The following TOX variants were observed in gnomAD, a reference collection of about 807,000 sequenced individuals.
The protein encoded by TOX is thymocyte selection-associated high mobility group box protein TOX.
A neutral mutation model predicts 53.7 loss-of-function variants in TOX; 11 were observed. The observed-to-expected ratio is 0.20, with a 90% CI of 0.13 to 0.34. TOX has a LOEUF of 0.34. Among genes scored for constraint, TOX ranks in the 10% least tolerant of loss-of-function variants. The probability of loss-of-function intolerance (pLI) is 1.00; values close to 1 mark genes in which losing one functional copy is unlikely to be tolerated. For missense variants in TOX, 570 were observed against 664.6 expected (o/e 0.86, Z 1.56); for synonymous variants, 225 against 245.3 (o/e 0.92, Z 0.77).
intron 1 of TOX, among the ~76,000 whole-genome samples, chr8:59,029,054 A>ACTAAAGTACTTTCC (rs1814300406): frequency 6.6e-6 from 1 of 152,146 alleles, no homozygotes; most frequent in Non-Finnish European, 1.5e-5. Flanking sequence ...ATACTTTACA[A>ACTAAAGTACTTTCC]CTAAAGTACT....
intron 7 of TOX, chr8:58,814,392 T>A (rs1168610318): frequency 6.6e-6 from 1 of 152,148 alleles, no homozygotes; most frequent in Non-Finnish European, 1.5e-5. Context: ...TTATTTATTT[T>A]TTTAAAAAAT....
intron 3 of TOX, among the ~76,000 whole-genome samples, chr8:58,872,280 G>A (rs1811211526): frequency 6.6e-6 from 1 of 151,964 alleles, no homozygotes; most frequent in African/African-American, 2.4e-5. Context: ...AGCACATTCT[G>A]ATTAAAGTAA....
intron 1 of TOX, among the ~76,000 whole-genome samples, chr8:59,108,940 A>T (rs1291961417): frequency 6.6e-6 from 1 of 152,198 alleles, no homozygotes. Flanking sequence ...TGGAAATCCC[A>T]CGTGAATATG....
At chr8:58,927,441 G>A (rs1451700267) in intron 3 of TOX, among the ~76,000 whole-genome samples, 1 of 152,136 alleles carries the variant, frequency 6.6e-6, no homozygotes, top group Admixed American at 6.5e-5. Flanking sequence ...CTGCACCCCA[G>A]CCTGCCTAGT....
chr8:59,003,909 G>A (rs543209296), intron 1 of TOX, among the ~76,000 whole-genome samples: 3 of 152,266 alleles, frequency 2.0e-5, no homozygotes, highest in Admixed American at 6.5e-5. Flanking sequence ...ATGATCAACA[G>A]TATGAAGTAT....
intron 1 of TOX, among the ~76,000 whole-genome samples, chr8:59,010,308 G>A (rs1813879514): frequency 6.6e-6 from 1 of 152,048 alleles, no homozygotes; most frequent in Non-Finnish European, 1.5e-5. Context: ...GTTCATATTA[G>A]CAATTATTAT....
chr8:58,894,885 G>T (rs1811615767), intron 3 of TOX, among the ~76,000 whole-genome samples: 1 of 151,052 alleles, frequency 6.6e-6, no homozygotes. Flanking sequence ...GACAAAGTGA[G>T]ACTCTGTCTC....
chr8:58,925,559 TAAC>T (rs1440781003), intron 3 of TOX, among the ~76,000 whole-genome samples: 1 of 152,174 alleles, frequency 6.6e-6, no homozygotes, highest in Non-Finnish European at 1.5e-5. Context: ...AAGTATACGA[TAAC>T]AACCTTTCTC....
intron 3 of TOX, among the ~76,000 whole-genome samples, chr8:58,857,901 T>C (rs1868345): frequency 0.18 from 27,154 of 152,058 alleles, 2,736 homozygotes; most frequent in South Asian, 0.23. Flanking sequence ...TCCTGAGTAG[T>C]TGGGATTACA....
At chr8:58,901,326 C>G (rs1202071567) in intron 3 of TOX, among the ~76,000 whole-genome samples, 2 of 152,164 alleles carry the variant, frequency 1.3e-5, no homozygotes, top group East Asian at 3.8e-4. Flanking sequence ...TTCATTTTAT[C>G]AACCAGCCAT....
At chr8:59,037,477 A>G (rs1283363835) in intron 1 of TOX, among the ~76,000 whole-genome samples, 5 of 152,166 alleles carry the variant, frequency 3.3e-5, no homozygotes, top group Middle Eastern at 3.2e-3. Flanking sequence ...TAAAAACAAA[A>G]TAAAACTGCT....
intron 2 of TOX, among the ~76,000 whole-genome samples, chr8:58,951,267 A>C (rs2129177578): frequency 6.6e-6 from 1 of 152,264 alleles, no homozygotes; most frequent in South Asian, 2.1e-4. Context: ...GTAAGGATCA[A>C]ATGAAAAAAT....
chr8:59,083,398 A>G (rs1001449211), intron 1 of TOX, among the ~76,000 whole-genome samples: 1 of 152,216 alleles, frequency 6.6e-6, no homozygotes, highest in Admixed American at 6.5e-5. Context: ...CAATCAAATA[A>G]TATTTTAAGA....
intron 2 of TOX, among the ~76,000 whole-genome samples, chr8:58,954,326 G>A (rs975362370): frequency 6.6e-6 from 1 of 152,160 alleles, no homozygotes; most frequent in East Asian, 1.9e-4. Context: ...GAATTGAATC[G>A]TTGCAATGGA....
At position 58,815,812 on chromosome 8, in the gene TOX, C is replaced by T. The variant is rs183618264; in HGVS notation, c.1006-88G>A. 2.2e-5 allele frequency: 31 copies of T among 1,433,910 alleles called. No individual in the cohort carries two copies. In the East Asian group the frequency reaches 6.5e-4, roughly 30 times the overall value. The allele number at this position is 1,433,910 out of a possible 1,614,324, so 88.8% of individuals were successfully genotyped here. ...ACGCTTTGTGAGTTTATTAAAGCAC[C>T]TTCCCTGGAATCCATACCCATGACT... On this transcript the variant is annotated intron_variant, in intron 6 of 8. Coordinates refer to ENST00000361421, the MANE Select transcript of TOX (RefSeq NM_014729.3).
chr8:58,952,106 T>C (rs930264924), intron 2 of TOX, among the ~76,000 whole-genome samples: 11 of 152,154 alleles, frequency 7.2e-5, no homozygotes, highest in African/African-American at 2.4e-4. Context: ...TTAAAGGTGT[T>C]TGAAGTGGCA....
Position 58,826,912 on chromosome 8 carries a change from C to G in TOX, c.925-10G>C, listed in dbSNP as rs762860183. On this transcript the variant is annotated splice_polypyrimidine_tract_variant and intron_variant, in intron 5 of 8. Coordinates refer to ENST00000361421, the MANE Select transcript of TOX (RefSeq NM_014729.3). ...TTTTCTTTTTATAGACCTGCAACAA[C>G]AGCAAAGAGTCTTAAATTAGAAAGT... The G allele has an allele frequency of 1.9e-6, 3 of 1,607,654 alleles. No homozygotes were observed. The highest frequency in any genetic ancestry group is 2.5e-6 in the Non-Finnish European group (3 of 1,177,542).
intron 1 of TOX, among the ~76,000 whole-genome samples, chr8:59,002,607 C>CAACA (rs1813713737): frequency 6.9e-6 from 1 of 145,410 alleles, no homozygotes; most frequent in Admixed American, 6.8e-5. Flanking sequence ...ACAACAACAA[C>CAACA]AAAAAAAAAA....
intron 1 of TOX, among the ~76,000 whole-genome samples, chr8:59,053,331 T>A (rs1803828834): frequency 6.6e-6 from 1 of 152,158 alleles, no homozygotes. Context: ...CTGCTATCCC[T>A]ACTGAAAAAA....
Sources: gnomAD v4.1 joint callset for allele counts (sites outside exome capture counted in the v4.1 genomes callset) on GRCh38, gnomAD v4.1.1 for gene constraint, MANE v1.5 for transcripts, NCBI Gene and HGNC (gene_info 2026-07-23, HGNC 2026-07-21) for gene names.